SCN1A: variants seen among roughly 807,000 people sequenced by gnomAD.
SCN1A encodes sodium voltage-gated channel alpha subunit 1.
In SCN1A, 13 loss-of-function variants were observed where a neutral mutation model predicts 193.7. That is an observed-to-expected ratio of 0.07 (90% CI 0.04 to 0.11). SCN1A has a LOEUF of 0.11. Among genes scored for constraint, SCN1A ranks in the 10% least tolerant of loss-of-function variants. The pLI is 1.00. For synonymous variants in SCN1A, 781 were observed against 843.6 expected (o/e 0.93, Z 1.29); for missense variants, 1,432 against 2,451.1 (o/e 0.58, Z 8.78).
chr2:166,011,670 T>C (rs970702008), intron 22 of SCN1A, among the ~76,000 whole-genome samples: 3 of 151,192 alleles, frequency 2.0e-5, no homozygotes, highest in Admixed American at 6.6e-5. Flanking sequence ...ACTGTTTTTA[T>C]TGAGTGCCTT....
intron 19 of SCN1A, among the ~76,000 whole-genome samples, chr2:166,032,859 T>C (rs1695817689): frequency 6.6e-6 from 1 of 152,044 alleles, no homozygotes; most frequent in Non-Finnish European, 1.5e-5. Context: ...AAAATCTAAC[T>C]CAAGTGAATC....
chr2:166,076,019 C>G (rs1433774247), intron 3 of SCN1A, among the ~76,000 whole-genome samples: 2 of 151,648 alleles, frequency 1.3e-5, no homozygotes, highest in African/African-American at 4.8e-5. Context: ...TTTTTTCAAT[C>G]TATAGCATCT....
chr2:166,146,940 C>T (rs563747576), intron 1 of SCN1A, among the ~76,000 whole-genome samples: 1 of 152,262 alleles, frequency 6.6e-6, no homozygotes, highest in Admixed American at 6.5e-5. Flanking sequence ...AATTTAATGA[C>T]AATATGTATT....
rs748747434 is a variant in SCN1A at position 166,051,831 on chromosome 2, A to G, written c.852T>C (p.Asn284=). ...CTATACTATGTTCCTCCAAGGAAGC[A>G]TTGGTGGGAGGCCATTGTATACATT... ...RNKCIQWPPT[N]ASLEEHSIEK... The change falls in exon 9 of 29, where the codon AAT becomes AAC. Residue 284 remains asparagine, a synonymous_variant. Coordinates refer to ENST00000674923, the MANE Select transcript of SCN1A (RefSeq NM_001165963.4). 37 of 1,612,516 alleles carry G rather than the reference A, an allele frequency of 2.3e-5. No homozygotes were observed. The South Asian group carries it at 3.8e-4, about 17-fold the overall frequency.
chr2:166,029,197 T>C (rs1234033545), intron 19 of SCN1A, among the ~76,000 whole-genome samples: 1 of 152,118 alleles, frequency 6.6e-6, no homozygotes, highest in East Asian at 1.9e-4. Flanking sequence ...ATAGACTCCA[T>C]ACTGTGAGCA....
At chr2:166,098,385 C>T (rs557741653) in intron 2 of SCN1A, among the ~76,000 whole-genome samples, 23 of 152,124 alleles carry the variant, frequency 1.5e-4, no homozygotes, top group Non-Finnish European at 2.8e-4. Context: ...ATAACCAACT[C>T]ACAGCCAACA....
chr2:166,082,306 G>T (rs1301645993), intron 2 of SCN1A, among the ~76,000 whole-genome samples: 1 of 151,990 alleles, frequency 6.6e-6, no homozygotes, highest in Non-Finnish European at 1.5e-5. Flanking sequence ...GCTTATTAAT[G>T]GTGGGACTTA....
chr2:165,989,453 A>C lies in SCN1A; in HGVS notation c.*1792T>G, dbSNP rs1210225375. On this transcript the variant is annotated 3_prime_UTR_variant, in exon 29 of 29. Transcript: ENST00000674923. ...CCAAAGAAATGAAAACATAAACCGA[A>C]GTCAGAAAAAAAGAACAAAAATAAC... 1 of 152,284 alleles carries C rather than the reference A, an allele frequency of 6.6e-6. No homozygotes were observed. The highest frequency in any genetic ancestry group is 1.5e-5 in the Non-Finnish European group (1 of 68,016). 9.4% of individuals were successfully genotyped at this position (152,284 alleles called of 1,614,324 possible).
chr2:166,132,868 A>G (rs1197229913), upstream of SCN1A, among the ~76,000 whole-genome samples: 1 of 152,144 alleles, frequency 6.6e-6, no homozygotes, highest in East Asian at 1.9e-4. Context: ...CAGAGCTGCT[A>G]TAGGCTTGCA....
intron 1 of SCN1A, among the ~76,000 whole-genome samples, chr2:166,139,554 C>T (rs1691998642): frequency 6.6e-6 from 1 of 152,172 alleles, no homozygotes; most frequent in South Asian, 2.1e-4. Flanking sequence ...TCCCCAGCCA[C>T]GTGGAACTAT....
At position 166,049,164 on chromosome 2, in the gene SCN1A, A is replaced by G. The variant is rs6432863; in HGVS notation, c.965-215T>C. On this transcript the variant is annotated intron_variant, in intron 9 of 28. Transcript: ENST00000674923. ...AGTATTTCTTCATTATGAAGAAATG[A>G]CATTAGATTAGATACAGTGCAAAGA... is the stretch of plus-strand genomic sequence containing the variant. Among the ~76,000 whole-genome samples, 34,284 of 104,384 alleles carry G rather than the reference A, an allele frequency of 0.33. 4,176 individuals are homozygous for G. Among genetic ancestry groups the G allele is most frequent in the East Asian group, 0.45 (1,874 of 4,152 alleles). The allele number at this position is 104,384 out of a possible 152,430, so 68.5% of individuals were successfully genotyped here.
intron 27 of SCN1A, 116 bp from the exon 28 acceptor site, chr2:165,994,532 G>A (rs1305347285): frequency 2.3e-6 from 2 of 886,432 alleles, no homozygotes; most frequent in Non-Finnish European, 3.5e-6. Flanking sequence ...CATTGGCCCT[G>A]ATTTTTGTAA....
chr2:166,105,921 C>T (rs1477973582), intron 2 of SCN1A, among the ~76,000 whole-genome samples: 4 of 152,234 alleles, frequency 2.6e-5, no homozygotes, highest in African/African-American at 9.6e-5. Context: ...GGCGCGGTGG[C>T]TCACGCCTGT....
At chr2:166,072,825 C>G (rs918375080) in intron 4 of SCN1A, among the ~76,000 whole-genome samples, 2 of 145,160 alleles carry the variant, frequency 1.4e-5, no homozygotes, top group African/African-American at 5.5e-5. Flanking sequence ...TCCCTCCCAC[C>G]CTCTCTTCTT....
At chr2:166,054,456 A>T (rs1574279904) in intron 7 of SCN1A, among the ~76,000 whole-genome samples, 182 bp downstream of exon 7, 1 of 151,968 alleles carries the variant, frequency 6.6e-6, no homozygotes, top group Non-Finnish European at 1.5e-5. Flanking sequence ...AACTACTGCA[A>T]AGCCTTCATG....
chr2:166,074,096 G>A (rs1418866213), intron 3 of SCN1A, among the ~76,000 whole-genome samples: 2 of 152,192 alleles, frequency 1.3e-5, no homozygotes, highest in Non-Finnish European at 2.9e-5. Flanking sequence ...AACCCTCTAG[G>A]TCTGACAAGT....
intron 2 of SCN1A, among the ~76,000 whole-genome samples, chr2:166,117,368 G>A (rs1689983305): frequency 6.6e-6 from 1 of 152,094 alleles, no homozygotes; most frequent in African/African-American, 2.4e-5. Context: ...GTACTTAATG[G>A]TATAGATTAA....
Position 165,988,752 on chromosome 2 carries a change from G to T in SCN1A, c.*2493C>A, listed in dbSNP as rs1688762020. 6.6e-6 allele frequency: 1 copy of T among 152,204 alleles called. No individual in the cohort carries two copies. The highest frequency in any genetic ancestry group is 2.4e-5 in the African/African-American group (1 of 41,446). The allele number at this position is 152,204 out of a possible 1,614,324, so 9.4% of individuals were successfully genotyped here. A position where few individuals can be genotyped will look rare whatever the true frequency, so the allele number is the denominator to read the frequency against. ...ACACAGAATGATGCAGAAGCAGAGA[G>T]AGTGGCTCTGGAGGAGCAAACACAG... On this transcript the variant is annotated 3_prime_UTR_variant, in exon 29 of 29. Coordinates refer to ENST00000674923, the MANE Select transcript of SCN1A (RefSeq NM_001165963.4).
At chr2:166,015,803 C>G in intron 19 of SCN1A, 76 bp from the exon 20 acceptor site, 1 of 1,536,778 alleles carries the variant, frequency 6.5e-7, no homozygotes, top group Non-Finnish European at 9.0e-7. Context: ...AGGATTATTA[C>G]TATGAATTTG....
Sources: gnomAD v4.1 joint callset for allele counts (sites outside exome capture counted in the v4.1 genomes callset) on GRCh38, gnomAD v4.1.1 for gene constraint, MANE v1.5 for transcripts, NCBI Gene and HGNC (gene_info 2026-07-23, HGNC 2026-07-21) for gene names.